Variants in SMU1 observed in about 807,000 individuals in gnomAD.
SMU1 encodes the protein SMU1 DNA replication regulator and spliceosomal factor.
Under a neutral mutation model 62.0 loss-of-function variants are expected in SMU1, and 2 were observed. That is an observed-to-expected ratio of 0.03 (90% confidence interval 0.01 to 0.10). SMU1 has a LOEUF of 0.10. Among genes scored for constraint, SMU1 ranks in the 10% least tolerant of loss-of-function variants. The probability of loss-of-function intolerance (pLI) is 1.00; values close to 1 mark genes in which losing one functional copy is unlikely to be tolerated. For synonymous variants in SMU1, 188 were observed against 212.4 expected (o/e 0.89, Z 1.00); for missense variants, 227 against 622.1 (o/e 0.36, Z 6.76).
chr9:33,057,472 A>G, intron 7 of SMU1, 126 bp downstream of exon 7: 2 of 1,182,838 alleles, frequency 1.7e-6, no homozygotes, highest in Non-Finnish European at 2.4e-6. Flanking sequence ...AAGTAAAGTG[A>G]TTAGCATAAA....
At chr9:33,069,026 G>C in intron 3 of SMU1, 92 bp from the exon 4 acceptor site, 1 of 1,437,590 alleles carries the variant, frequency 7.0e-7, no homozygotes, top group African/African-American at 1.4e-5. Flanking sequence ...AGCATACACA[G>C]AGGAAAATGT....
chr9:33,071,682 T>C (rs1005971631), intron 3 of SMU1, 58 bp downstream of exon 3: 274 of 1,363,360 alleles, frequency 2.0e-4, no homozygotes, highest in Non-Finnish European at 2.3e-4. Flanking sequence ...AAAAAAAAGA[T>C]CATGTTATTT....
intron 6 of SMU1, 145 bp from the exon 7 acceptor site, chr9:33,057,859 G>T: frequency 1.2e-6 from 1 of 842,420 alleles, no homozygotes; most frequent in Non-Finnish European, 1.8e-6. Flanking sequence ...CACGTTCCTA[G>T]TAAGTAACTA....
intron 2 of SMU1, among the ~76,000 whole-genome samples, chr9:33,072,285 C>A (rs994178028): frequency 6.6e-6 from 1 of 150,868 alleles, no homozygotes; most frequent in Admixed American, 6.6e-5. Flanking sequence ...TGCAGTGAGC[C>A]AAGCTCATGC....
chr9:33,074,865 C>G (rs112149049), intron 1 of SMU1, among the ~76,000 whole-genome samples: 2 of 151,706 alleles, frequency 1.3e-5, no homozygotes, highest in Non-Finnish European at 2.9e-5. Context: ...CCTGGGCCTC[C>G]TGGGATCAGG....
chr9:33,073,856 C>G, intron 1 of SMU1, 50 bp from the exon 2 acceptor site: 2 of 1,531,830 alleles, frequency 1.3e-6, no homozygotes, highest in Non-Finnish European at 1.8e-6. Context: ...CACCAGAGGT[C>G]AAAAATAAAG....
chr9:33,052,149 A>C (rs757679990), intron 10 of SMU1, among the ~76,000 whole-genome samples: 4 of 152,164 alleles, frequency 2.6e-5, no homozygotes, highest in Non-Finnish European at 5.9e-5. Context: ...GAATGCATGT[A>C]AAAACTGGTT....
rs374254903 is a variant in SMU1 at position 33,056,256 on chromosome 9, A to G, written c.996-17T>C. 20 of 1,603,654 alleles carry G rather than the reference A, an allele frequency of 1.2e-5. No homozygotes were observed. Among genetic ancestry groups the G allele is most frequent in the East Asian group, 4.5e-5 (2 of 44,626 alleles). The stretch of plus-strand genomic sequence containing the variant: ...CCATGAATTCTACCAAATGAAAGTA[A>G]ATGAAAAGAACAATAAATATTTAAT... On this transcript the variant is annotated splice_polypyrimidine_tract_variant and intron_variant, in intron 8 of 11. Coordinates refer to ENST00000397149, the MANE Select transcript of SMU1 (RefSeq NM_018225.3).
rs1026809520 is a variant in SMU1 at position 33,046,545 on chromosome 9, C to T, written c.*748G>A. The T allele has an allele frequency of 6.9e-5, 8 of 116,086 alleles. No individual in the cohort carries two copies. In the East Asian group the frequency reaches 1.8e-3, roughly 26 times the overall value. The allele number at this position is 116,086 out of a possible 1,614,324, so 7.2% of individuals were successfully genotyped here. ...ATGAGCATTTATGTACATTTTAGAA[C>T]AAAGTCTCCAGAAAGGTATAAAGTT... is the stretch of plus-strand genomic sequence containing the variant. On this transcript the variant is annotated 3_prime_UTR_variant, in exon 12 of 12. Coordinates refer to ENST00000397149, the MANE Select transcript of SMU1 (RefSeq NM_018225.3).
intron 3 of SMU1, among the ~76,000 whole-genome samples, chr9:33,069,776 G>A (rs996842263): frequency 5.9e-5 from 9 of 151,582 alleles, no homozygotes; most frequent in Non-Finnish European, 1.0e-4. Context: ...CACTCCAGCC[G>A]GGGAGACAAC....
intron 10 of SMU1, among the ~76,000 whole-genome samples, chr9:33,049,794 C>T (rs1169344350): frequency 2.8e-5 from 3 of 108,998 alleles, no homozygotes; most frequent in East Asian, 2.2e-4. Flanking sequence ...ACACAAAAGT[C>T]GGGCATGGTG....
intron 10 of SMU1, among the ~76,000 whole-genome samples, chr9:33,049,480 A>T (rs1350438537): frequency 6.6e-6 from 1 of 152,178 alleles, no homozygotes; most frequent in Non-Finnish European, 1.5e-5. Context: ...AAAACTCAAA[A>T]CTGTATTTAA....
Position 33,073,713 on chromosome 9 carries a change from A to C in SMU1, c.120T>G (p.Thr40=), listed in dbSNP as rs759392697. Residue 40 remains threonine, a synonymous_variant, in exon 2 of 12, where the codon ACT becomes ACG. Transcript: ENST00000397149. ...CCACAAAACTCTCAATGCTGTCCAC[A>C]GTATTCAGAGACACAGTAGTCTCCT... ...LQEETTVSLN[T]VDSIESFVAD... 1 of 1,614,206 alleles carries C rather than the reference A, an allele frequency of 6.2e-7. No homozygotes were observed.
intron 4 of SMU1, among the ~76,000 whole-genome samples, chr9:33,064,891 C>T (rs1367417746): frequency 1.3e-5 from 2 of 152,166 alleles, no homozygotes; most frequent in Middle Eastern, 3.4e-3. Context: ...TACAGGCGCA[C>T]GCCATGATGG....
chr9:33,071,602 AAC>A, intron 3 of SMU1, 136 bp downstream of exon 3: 1 of 899,316 alleles, frequency 1.1e-6, no homozygotes, highest in Non-Finnish European at 1.6e-6. Context: ...AACATATATA[AAC>A]AGAGAAGCAT....
intron 3 of SMU1, among the ~76,000 whole-genome samples, chr9:33,071,209 G>C (rs1839482424): frequency 6.6e-6 from 1 of 151,902 alleles, no homozygotes; most frequent in African/African-American, 2.4e-5. Context: ...AAAGGCTGGG[G>C]GGGTGGGCAG....
chr9:33,065,666 T>C (rs538847513), intron 4 of SMU1, among the ~76,000 whole-genome samples: 2 of 152,218 alleles, frequency 1.3e-5, no homozygotes, highest in South Asian at 2.1e-4. Context: ...AGGAATCACA[T>C]ACCCTTCAAG....
At chr9:33,074,311 T>A (rs1839518248) in intron 1 of SMU1, among the ~76,000 whole-genome samples, 1 of 151,990 alleles carries the variant, frequency 6.6e-6, no homozygotes, top group African/African-American at 2.4e-5. Context: ...AATTTTTTTT[T>A]AAATTAGCCA....
At position 33,076,625 on chromosome 9, in the gene SMU1, G is replaced by A. The variant is rs369449021; in HGVS notation, c.-17C>T. ...GATCGACATAGCCGTATCTCTCCGG[G>A]AGCAGGCCCCAGCTCTCCCTCAAGG... On this transcript the variant is annotated 5_prime_UTR_variant, in exon 1 of 12. Coordinates refer to ENST00000397149, the MANE Select transcript of SMU1 (RefSeq NM_018225.3). The A allele has an allele frequency of 1.9e-6, 3 of 1,613,710 alleles. No individual in the cohort carries two copies. The highest frequency in any genetic ancestry group is 2.2e-5 in the East Asian group (1 of 44,882).
Sources: gnomAD v4.1 joint callset for allele counts (sites outside exome capture counted in the v4.1 genomes callset) on GRCh38, gnomAD v4.1.1 for gene constraint, MANE v1.5 for transcripts, NCBI Gene and HGNC (gene_info 2026-07-23, HGNC 2026-07-21) for gene names.